ANK2: variants seen among roughly 807,000 people sequenced by gnomAD.
The protein encoded by ANK2 is ankyrin 2.
ANK2 carries 83 observed loss-of-function variants against 360.5 expected under a neutral mutation model. That is an observed-to-expected ratio of 0.23 (90% CI 0.19 to 0.28). ANK2 has a LOEUF of 0.28. ANK2 is among the 10% of genes least tolerant of loss of function. The pLI is 1.00. For missense variants in ANK2, 4,201 were observed against 4,795.7 expected (o/e 0.88, Z 3.66); for synonymous variants, 1,740 against 1,759.5 (o/e 0.99, Z 0.28).
intron 14 of ANK2, among the ~76,000 whole-genome samples, chr4:113,273,008 CTAT>C (rs2059077016): frequency 6.6e-6 from 1 of 152,146 alleles, no homozygotes; most frequent in African/African-American, 2.4e-5. Flanking sequence ...CCCAATTCCT[CTAT>C]TTTTTTCCTC....
chr4:112,769,627 A>G, the ANK2 span, among the ~76,000 whole-genome samples: 7 of 152,184 alleles, frequency 4.6e-5, no homozygotes, highest in Non-Finnish European at 7.3e-5. Context: ...AGTTAATTCT[A>G]TGCTTCAACT....
intron 1 of ANK2, among the ~76,000 whole-genome samples, chr4:113,104,781 AAG>A (rs2093412802): frequency 6.6e-6 from 1 of 152,212 alleles, no homozygotes; most frequent in Admixed American, 6.5e-5. Context: ...AAAAAACTGA[AAG>A]AGAATGCAGG....
rs764677814 is a variant in ANK2 at position 113,354,718 on chromosome 4, G to A, written c.6100G>A (p.Gly2034Arg). 3.8e-5 allele frequency: 62 copies of A among 1,613,628 alleles called. No individual in the cohort carries two copies. The highest frequency in any genetic ancestry group is 5.3e-5 in the African/African-American group (4 of 74,784). Reference protein sequence around the residue: ...KGKVRVEKEKGPILTQREAQK... With the variant: ...KGKVRVEKEKRPILTQREAQK... Reference sequence around the variant, plus strand: ...TAAAGTTCGGGTAGAAAAAGAAAAGGGGCCGATACTAACCCAGAGAGAAGC... The same window carrying A: ...TAAAGTTCGGGTAGAAAAAGAAAAGAGGCCGATACTAACCCAGAGAGAAGC... The change falls in exon 38 of 46, where the codon GGG becomes AGG. Residue 2034 changes from glycine (G) to arginine (R), a missense_variant. This residue lies in a region of ANK2 where 2,642 missense variants were observed against 2,714.5 expected (regional missense o/e 0.97). Transcript: ENST00000357077.
the ANK2 span, among the ~76,000 whole-genome samples, chr4:112,705,635 G>A: frequency 1.2e-4 from 18 of 152,240 alleles, no homozygotes; most frequent in African/African-American, 1.4e-4. Context: ...AGTGATGCGG[G>A]AGCGCCCGCG....
the ANK2 span, among the ~76,000 whole-genome samples, chr4:112,735,590 C>T: frequency 2.0e-5 from 3 of 152,148 alleles, no homozygotes; most frequent in African/African-American, 4.8e-5. Flanking sequence ...TGATGTCAGT[C>T]ACAAGACACC....
chr4:113,092,200 G>T (rs1359923284), intron 1 of ANK2, among the ~76,000 whole-genome samples: 1 of 152,074 alleles, frequency 6.6e-6, no homozygotes, highest in East Asian at 1.9e-4. Context: ...AGACTATTTG[G>T]ATTTTTTTAA....
At chr4:112,968,209 A>T (rs1205142920) in intron 2 of ANK2, among the ~76,000 whole-genome samples, 1 of 152,222 alleles carries the variant, frequency 6.6e-6, no homozygotes, top group African/African-American at 2.4e-5. Context: ...TACTTACTGC[A>T]CAGGGTTCAA....
At chr4:113,241,307 T>A (rs974999999) in intron 8 of ANK2, among the ~76,000 whole-genome samples, 16 of 152,316 alleles carry the variant, frequency 1.1e-4, no homozygotes, top group African/African-American at 3.4e-4. Context: ...GCTGTTTTTC[T>A]TACTGAATTA....
At chr4:112,740,775 A>G in the ANK2 span, among the ~76,000 whole-genome samples, 1 of 152,052 alleles carries the variant, frequency 6.6e-6, no homozygotes, top group South Asian at 2.1e-4. Context: ...GCAGTTTGAG[A>G]GGCCAAAAGT....
intron 36 of ANK2, among the ~76,000 whole-genome samples, chr4:113,349,554 T>C (rs1209015025): frequency 1.3e-5 from 2 of 152,068 alleles, no homozygotes; most frequent in Non-Finnish European, 2.9e-5. Flanking sequence ...CATAGCCATA[T>C]ACACAATCAA....
chr4:113,136,198 G>T (rs980598038), intron 1 of ANK2, among the ~76,000 whole-genome samples: 1 of 152,146 alleles, frequency 6.6e-6, no homozygotes, highest in African/African-American at 2.4e-5. Context: ...TACAGTGTCT[G>T]TTCATAAAAA....
intron 2 of ANK2, among the ~76,000 whole-genome samples, chr4:112,974,736 C>T (rs2040749963): frequency 1.3e-5 from 2 of 152,056 alleles, no homozygotes; most frequent in Non-Finnish European, 1.5e-5. Context: ...GTCTAAATTT[C>T]CCTAGCTAGT....
intron 1 of ANK2, among the ~76,000 whole-genome samples, chr4:112,889,065 T>G (rs915384235): frequency 6.6e-6 from 1 of 152,204 alleles, no homozygotes; most frequent in African/African-American, 2.4e-5. Context: ...AACTGTGAAT[T>G]ATAATTTCTA....
chr4:112,883,085 C>T (rs1398943037), intron 1 of ANK2, among the ~76,000 whole-genome samples: 1 of 113,812 alleles, frequency 8.8e-6, no homozygotes, highest in East Asian at 3.1e-4. Context: ...TTTGCCCAGG[C>T]TGGAGTGCAG....
the ANK2 span, among the ~76,000 whole-genome samples, chr4:112,757,135 G>A: frequency 1.5e-5 from 2 of 132,134 alleles, no homozygotes; most frequent in African/African-American, 2.8e-5. Flanking sequence ...TTTTTGATAC[G>A]GAGTTTTGCT....
chr4:112,708,781 C>T, the ANK2 span, among the ~76,000 whole-genome samples: 1 of 152,056 alleles, frequency 6.6e-6, no homozygotes, highest in Non-Finnish European at 1.5e-5. Flanking sequence ...CTAAATAATA[C>T]CTAATTTGTA....
At chr4:113,312,404 A>G (rs1294040946) in intron 24 of ANK2, among the ~76,000 whole-genome samples, 1 of 152,212 alleles carries the variant, frequency 6.6e-6, no homozygotes, top group Non-Finnish European at 1.5e-5. Context: ...AATATCCAGC[A>G]TAGAGTCTAA....
intron 1 of ANK2, among the ~76,000 whole-genome samples, chr4:112,864,341 G>T (rs1052001331): frequency 6.6e-6 from 1 of 152,028 alleles, no homozygotes; most frequent in East Asian, 1.9e-4. Context: ...ACGGAGTCTC[G>T]CTCTGTTGCC....
rs146501401 is a variant in ANK2, at chr4:112,895,488, G to C, written c.-39-8967G>C. The stretch of plus-strand genomic sequence containing the variant: ...CCAATTTTACAATCTTTTAGGTGCT[G>C]AACGCCATGGATTTCTCCTCAGAGT... On this transcript the variant is annotated intron_variant, in intron 1 of 30. Coordinates refer to the ANK2 transcript ENST00000503271. Among the ~76,000 whole-genome samples the C allele has an allele frequency of 8.8e-4, 134 of 152,260 alleles. 1 individual carries two copies. The highest frequency in any genetic ancestry group is 3.0e-3 in the African/African-American group (125 of 41,538).
Sources: gnomAD v4.1 joint callset for allele counts (sites outside exome capture counted in the v4.1 genomes callset) on GRCh38, gnomAD v4.1.1 for gene constraint, gnomAD v4.1.1 regional missense constraint, MANE v1.5 for transcripts, NCBI Gene and HGNC (gene_info 2026-07-23, HGNC 2026-07-21) for gene names.